SLC12A4: variants seen among roughly 807,000 people sequenced by gnomAD.
The protein encoded by SLC12A4 is electroneutral potassium-chloride cotransporter 1.
A neutral mutation model predicts 119.2 loss-of-function variants in SLC12A4; 84 were observed. The observed-to-expected ratio is 0.70, with a 90% CI of 0.59 to 0.85. SLC12A4 has a LOEUF of 0.85. Among genes scored for constraint, SLC12A4 ranks in the 40% least tolerant of loss-of-function variants. The pLI is 0.00. For missense variants in SLC12A4, 1,298 were observed against 1,476.3 expected (o/e 0.88, Z 1.98); for synonymous variants, 599 against 604.6 (o/e 0.99, Z 0.14).
intron 3 of SLC12A4, among the ~76,000 whole-genome samples, chr16:67,958,336 G>C (rs2030388714): frequency 6.6e-6 from 1 of 152,106 alleles, no homozygotes; most frequent in Admixed American, 6.6e-5. Context: ...TAGAAAGAGA[G>C]GTTTGTCTCA....
intron 2 of SLC12A4, among the ~76,000 whole-genome samples, 159 bp from the exon 3 acceptor site, chr16:67,961,865 G>C (rs1001016305): frequency 6.6e-6 from 1 of 152,220 alleles, no homozygotes; most frequent in Non-Finnish European, 1.5e-5. Context: ...AACTGGACAG[G>C]TGTGCACACC....
At chr16:67,957,446 G>A in intron 5 of SLC12A4, 2 of 352,094 alleles carry the variant, frequency 5.7e-6, no homozygotes, top group Non-Finnish European at 1.1e-5. Context: ...TGGGATTACA[G>A]GCATGAGCCA....
chr16:67,949,918 C>T lies in SLC12A4; in HGVS notation c.1630G>A (p.Val544Met), dbSNP rs769030163. The T allele has an allele frequency of 1.9e-6, 3 of 1,607,186 alleles. No homozygotes were observed. Among genetic ancestry groups the T allele is most frequent in the South Asian group, 1.1e-5 (1 of 90,904 alleles). Residue 544 changes from valine to methionine, a missense_variant and splice_region_variant, in exon 13 of 24, where the codon GTG (valine) becomes ATG (methionine). Physicochemically the swap from Val to Met is conservative, Grantham distance 21. Coordinates refer to ENST00000316341, the MANE Select transcript of SLC12A4 (RefSeq NM_005072.5). The surrounding 1 kb of genome is among the most constrained non-coding windows in gnomAD (Gnocchi z 4.6). ...AKDNIIPFLR[V>M]FGHGKVNGEP... ...CCATTCACCTTCCCGTGGCCAAACACCTGTGTGCACCAGGAAGGAAGCTGG... is the reference window on the plus strand; with the variant it reads ...CCATTCACCTTCCCGTGGCCAAACATCTGTGTGCACCAGGAAGGAAGCTGG...
chr16:67,960,534 G>C (rs1192921511), intron 3 of SLC12A4, among the ~76,000 whole-genome samples: 1 of 151,392 alleles, frequency 6.6e-6, no homozygotes, highest in Non-Finnish European at 1.5e-5. Flanking sequence ...CAAATCTCAC[G>C]ACCAGGTGTG....
Position 67,949,014 on chromosome 16 carries a change from C to T in SLC12A4, c.1748+786G>A, listed in dbSNP as rs928471635. On this transcript the variant is annotated intron_variant, in intron 13 of 23. Coordinates refer to ENST00000316341, the MANE Select transcript of SLC12A4 (RefSeq NM_005072.5). This position sits in a 1 kb window ranked among gnomAD's most constrained non-coding sequence, Gnocchi z 4.6. ...AGCGTCAGCCACGGAGCAGGGTGGG[C>T]GAGGACCCCAGCCTGGACAGAGTCA... is the stretch of plus-strand genomic sequence containing the variant. Among the ~76,000 whole-genome samples, 2 of 152,128 alleles carry T rather than the reference C, an allele frequency of 1.3e-5. No homozygotes were observed. Among genetic ancestry groups the T allele is most frequent in the Non-Finnish European group, 2.9e-5 (2 of 68,016 alleles).
chr16:67,948,427 G>A (rs1270819320), intron 13 of SLC12A4, among the ~76,000 whole-genome samples: 1 of 152,232 alleles, frequency 6.6e-6, no homozygotes, highest in Non-Finnish European at 1.5e-5. Flanking sequence ...GCTGAAGAGG[G>A]TGGTGCAGGG....
At position 67,950,824 on chromosome 16, in the gene SLC12A4, G is replaced by A. The variant is rs1334937067; in HGVS notation, c.1397-113C>T. 1 of 1,451,648 alleles carries A rather than the reference G, an allele frequency of 6.9e-7. No individual in the cohort carries two copies. The highest frequency in any genetic ancestry group is 1.4e-5 in the African/African-American group (1 of 71,056). The allele number at this position is 1,451,648 out of a possible 1,614,324, so 89.9% of individuals were successfully genotyped here. A position where few individuals can be genotyped will look rare whatever the true frequency, so the allele number is the denominator to read the frequency against. On this transcript the variant is annotated intron_variant, in intron 10 of 23. Transcript: ENST00000316341. The surrounding 1 kb of genome is among the most constrained non-coding windows in gnomAD (Gnocchi z 4.3). ...GACACCTACAGCTGGGAGTCTCGTG[G>A]TGTGTATGTGCATGTGTGCATGAGA...
chr16:67,957,467 C>A, intron 5 of SLC12A4: 1 of 425,422 alleles, frequency 2.4e-6, no homozygotes. Flanking sequence ...CCGCGCCTGG[C>A]CTTTTTTTGC....
At chr16:67,957,717 C>T (rs1321933595) in intron 5 of SLC12A4, 25 bp downstream of exon 5, 1 of 1,612,278 alleles carries the variant, frequency 6.2e-7, no homozygotes, top group African/African-American at 1.3e-5. Flanking sequence ...TCTCTTCCAC[C>T]AGGCCTTGGG....
chr16:67,954,368 A>G lies in SLC12A4; in HGVS notation c.675+275T>C, dbSNP rs146200451. The stretch of plus-strand genomic sequence containing the variant: ...CTGAGCTGAATACAACAGTTCCTGG[A>G]ACCCTTGCCATGGCTGCAATGGTGC... On this transcript the variant is annotated intron_variant, in intron 6 of 23. Coordinates refer to ENST00000316341, the MANE Select transcript of SLC12A4 (RefSeq NM_005072.5). 2.7e-4 allele frequency: 135 copies of G among 491,824 alleles called. 1 individual carries two copies. The highest frequency in any genetic ancestry group is 2.2e-3 in the African/African-American group (112 of 51,840). 30.5% of individuals were successfully genotyped at this position (491,824 alleles called of 1,614,324 possible). A position where few individuals can be genotyped will look rare whatever the true frequency, so the allele number is the denominator to read the frequency against.
chr16:67,943,892 G>C lies in SLC12A4; in HGVS notation c.*948C>G. On this transcript the variant is annotated 3_prime_UTR_variant, in exon 24 of 24. Transcript: ENST00000316341. The surrounding 1 kb of genome is among the most constrained non-coding windows in gnomAD (Gnocchi z 4.6). Reference sequence around the variant, plus strand: ...TGGCCAGGTCAGCTGCCAGGGGCTGGGGCCCAGGCTCCCCAGGGTCTGGCG... The same window carrying C: ...TGGCCAGGTCAGCTGCCAGGGGCTGCGGCCCAGGCTCCCCAGGGTCTGGCG... 1 of 1,468,384 alleles carries C rather than the reference G, an allele frequency of 6.8e-7. No individual in the cohort carries two copies. The highest frequency in any genetic ancestry group is 9.2e-7 in the Non-Finnish European group (1 of 1,090,804). 91.0% of individuals were successfully genotyped at this position (1,468,384 alleles called of 1,614,324 possible).
rs1299300810 is a variant in SLC12A4, at chr16:67,968,497, G to A, written c.57C>T (p.Asn19=). 8.2e-6 allele frequency: 13 copies of A among 1,586,836 alleles called. No homozygotes were observed. Among genetic ancestry groups the A allele is most frequent in the Non-Finnish European group, 1.0e-5 (12 of 1,170,790 alleles). ...VDGPRRGDYD[N]LEGLSWVDYG... ...AGTCCACCCAACTGAGCCCCTCGAG[G>A]TTGTCATAGTCGCCGCGCCTCGGCC... Residue 19 remains asparagine, a synonymous_variant, in exon 1 of 24, where the codon AAC becomes AAT. Coordinates refer to ENST00000316341, the MANE Select transcript of SLC12A4 (RefSeq NM_005072.5).
rs946596957 is a variant in SLC12A4 at position 67,951,198 on chromosome 16, G to A, written c.1239C>T (p.Val413=). 10 of 1,613,994 alleles carry A rather than the reference G, an allele frequency of 6.2e-6. No individual in the cohort carries two copies. The highest frequency in any genetic ancestry group is 2.2e-5 in the South Asian group (2 of 91,080). ...CGGTGAAGGATGTGGCGATGTCAGCGACCACGTACAGAGGCAGGCTCTCCT... is the reference window on the plus strand; with the variant it reads ...CGGTGAAGGATGTGGCGATGTCAGCAACCACGTACAGAGGCAGGCTCTCCT... ...SLKESLPLYV[V]ADIATSFTVL... is the part of the protein sequence containing the mutation. Residue 413 remains valine (V), a synonymous_variant, in exon 9 of 24, where the codon GTC becomes GTT. Transcript: ENST00000316341. The surrounding 1 kb of genome is among the most constrained non-coding windows in gnomAD (Gnocchi z 5.2).
chr16:67,964,070 G>T (rs774585029), intron 1 of SLC12A4: 3 of 1,538,234 alleles, frequency 2.0e-6, no homozygotes, highest in Non-Finnish European at 2.6e-6. Flanking sequence ...TGCACTGCGC[G>T]GGGGGCGTCC....
intron 22 of SLC12A4, 59 bp downstream of exon 22, chr16:67,945,310 C>T (rs1371416765): frequency 3.2e-6 from 5 of 1,574,386 alleles, no homozygotes; most frequent in Admixed American, 1.7e-5. Flanking sequence ...ACTTGTCTGC[C>T]CCACCCCACC....
intron 7 of SLC12A4, 41 bp from the exon 8 acceptor site, chr16:67,952,078 C>A (rs769723834): frequency 6.2e-7 from 1 of 1,608,718 alleles, no homozygotes; most frequent in Non-Finnish European, 8.5e-7. Context: ...CAGGTCAAAG[C>A]CCCTGCCTGT....
chr16:67,964,829 C>T (rs1464652498), intron 1 of SLC12A4, among the ~76,000 whole-genome samples: 1 of 152,236 alleles, frequency 6.6e-6, no homozygotes, highest in African/African-American at 2.4e-5. Flanking sequence ...GTATCTGATA[C>T]ATCTCTTGCT....
At position 67,949,829 on chromosome 16, in the gene SLC12A4, G is replaced by T; in HGVS notation, c.1719C>A (p.Ser573=). ...ATAAGATGGGGGCCACCATGTCGAG[G>T]GAGGCGATGAGGATGCCCAGCTCGG... The part of the protein sequence containing the change: ...LIAELGILIA[S]LDMVAPILSM... Residue 573 remains serine (S), a synonymous_variant, in exon 13 of 24, where the codon TCC becomes TCA. Coordinates refer to ENST00000316341, the MANE Select transcript of SLC12A4 (RefSeq NM_005072.5). The surrounding 1 kb of genome is among the most constrained non-coding windows in gnomAD (Gnocchi z 4.6). 1 of 1,610,916 alleles carries T rather than the reference G, an allele frequency of 6.2e-7. No homozygotes were observed. The highest frequency in any genetic ancestry group is 8.5e-7 in the Non-Finnish European group (1 of 1,178,470).
Position 67,943,479 on chromosome 16 carries a change from T to A in SLC12A4, c.*1361A>T. On this transcript the variant is annotated 3_prime_UTR_variant, in exon 24 of 24. Transcript: ENST00000316341. This position sits in a 1 kb window ranked among gnomAD's most constrained non-coding sequence, Gnocchi z 4.6. The stretch of plus-strand genomic sequence containing the variant: ...CTGCCTCTGCAGAGCAAACACCCAG[T>A]CTGGCGCTCCTTTATTGCCAAAGTC... The A allele has an allele frequency of 1.9e-6, 1 of 528,650 alleles. No homozygotes were observed. Among genetic ancestry groups the A allele is most frequent in the Non-Finnish European group, 3.4e-6 (1 of 290,970 alleles). 32.7% of individuals were successfully genotyped at this position (528,650 alleles called of 1,614,324 possible).
Sources: allele counts gnomAD v4.1 joint callset (sites outside exome capture counted in the v4.1 genomes callset), GRCh38; gene constraint gnomAD v4.1.1; non-coding constraint Gnocchi (gnomAD v3.1); transcripts MANE v1.5; gene names NCBI Gene and HGNC (gene_info 2026-07-23, HGNC 2026-07-21).